The following SLTM variants were observed in gnomAD, a reference collection of about 807,000 sequenced individuals.
SLTM encodes SAFB like transcription modulator, also known as SAFB-like transcription modulator.
SLTM carries 43 observed loss-of-function variants against 134.6 expected under a neutral mutation model. The ratio of observed to expected loss-of-function variants is 0.32; its 90% CI spans 0.25 to 0.41. The LOEUF (loss-of-function observed/expected upper bound fraction) is 0.41, where lower values mean the gene tolerates loss of function less well. SLTM is among the 10% of genes least tolerant of loss of function. SLTM has a pLI of 1.00. For synonymous variants in SLTM, 424 were observed against 432.3 expected (o/e 0.98, Z 0.24); for missense variants, 1,055 against 1,288.8 (o/e 0.82, Z 2.78).
chr15:58,912,593 T>C lies in SLTM; in HGVS notation c.531A>G (p.Glu177=). The change falls in exon 5 of 21, where the codon GAA becomes GAG. Residue 177 remains glutamate (E), a synonymous_variant. Coordinates refer to ENST00000380516, the MANE Select transcript of SLTM (RefSeq NM_024755.4). ...CTGTTAGAAAGGTATCATCTTCACC[T>C]TCTTGAGCTTCAATTTCCTAAGTAA... ...DIESQEIEAQ[E]GEDDTFLTAQ... 1.9e-6 allele frequency: 3 copies of C among 1,609,254 alleles called. No homozygotes were observed. Among genetic ancestry groups the C allele is most frequent in the Non-Finnish European group, 2.5e-6 (3 of 1,177,208 alleles).
intron 5 of SLTM, among the ~76,000 whole-genome samples, chr15:58,904,231 G>C (rs548836906): frequency 1.3e-5 from 2 of 151,794 alleles, no homozygotes; most frequent in East Asian, 1.9e-4. Context: ...GGCTGGTCTC[G>C]AACTCCTGAG....
intron 16 of SLTM, 33 bp downstream of exon 16, chr15:58,889,397 G>A (rs115801134): frequency 6.2e-7 from 1 of 1,611,498 alleles, no homozygotes; most frequent in East Asian, 2.2e-5. Context: ...AAAACAGCAA[G>A]GTTAACTGTT....
At chr15:58,932,515 A>C (rs1387943326) in intron 1 of SLTM, 72 bp from the exon 2 acceptor site, 1 of 1,183,734 alleles carries the variant, frequency 8.4e-7, no homozygotes, top group Non-Finnish European at 1.2e-6. Context: ...AAATGAAAAA[A>C]AATTTAGCAA....
chr15:58,909,003 AT>A, intron 5 of SLTM, among the ~76,000 whole-genome samples: 2 of 152,298 alleles, frequency 1.3e-5, no homozygotes, highest in South Asian at 4.1e-4. Context: ...CAACTCCAAC[AT>A]TTTCTCTAGC....
chr15:58,901,360 G>T, intron 5 of SLTM, 73 bp from the exon 6 acceptor site: 2 of 1,277,352 alleles, frequency 1.6e-6, no homozygotes, highest in Non-Finnish European at 1.1e-6. Context: ...TACAAAATCA[G>T]CCAAGTTAAA....
chr15:58,899,563 T>C lies in SLTM; in HGVS notation c.964A>G (p.Arg322Gly). The C allele has an allele frequency of 6.2e-7, 1 of 1,614,204 alleles. No homozygotes were observed. Among genetic ancestry groups the C allele is most frequent in the South Asian group, 1.1e-5 (1 of 91,086 alleles). ...VKGDPVEKEA[R>G]ESSKKAESGD... The stretch of plus-strand genomic sequence containing the variant: ...GATTCTGCTTTCTTAGAACTTTCTC[T>C]GGCTTCCTTCTCGACAGGGTCACCC... The change falls in exon 7 of 21, where the codon AGA becomes GGA. Residue 322 changes from arginine to glycine, a missense_variant. By Grantham distance (125) the Arg-to-Gly change is moderately radical. Transcript: ENST00000380516. The surrounding 1 kb of genome is among the most constrained non-coding windows in gnomAD (Gnocchi z 5.0).
At chr15:58,926,762 TGCTACCACACCTG>T (rs1393586977) in intron 2 of SLTM, among the ~76,000 whole-genome samples, 1 of 151,842 alleles carries the variant, frequency 6.6e-6, no homozygotes, top group East Asian at 1.9e-4. Context: ...TTACAGAACA[TGCTACCACACCTG>T]GCTAATTTTT....
chr15:58,922,377 CAAAAAAAAAA>C (rs59996812), intron 2 of SLTM, among the ~76,000 whole-genome samples: 1 of 61,132 alleles, frequency 1.6e-5, no homozygotes, highest in African/African-American at 7.9e-5. Flanking sequence ...AACTCTGCCT[CAAAAAAAAAA>C]AAAAAAAAAA....
chr15:58,921,208 C>T (rs2037021171), intron 2 of SLTM, among the ~76,000 whole-genome samples: 1 of 152,156 alleles, frequency 6.6e-6, no homozygotes, highest in Non-Finnish European at 1.5e-5. Flanking sequence ...ATTTTATCCT[C>T]ACAACTCCTC....
intron 19 of SLTM, among the ~76,000 whole-genome samples, chr15:58,884,127 T>C (rs2033980730): frequency 6.6e-6 from 1 of 150,638 alleles, no homozygotes; most frequent in African/African-American, 2.4e-5. Flanking sequence ...GAAGTCACAA[T>C]ACCCTCAGTC....
At chr15:58,929,063 T>G (rs142695733) in intron 2 of SLTM, among the ~76,000 whole-genome samples, 258 of 152,308 alleles carry the variant, frequency 1.7e-3, no homozygotes, top group Non-Finnish European at 2.7e-3. Context: ...ACAGGCGCAC[T>G]GAAGGAAAAG....
intron 2 of SLTM, among the ~76,000 whole-genome samples, chr15:58,925,170 C>T (rs1212282856): frequency 6.6e-6 from 1 of 151,396 alleles, no homozygotes; most frequent in Non-Finnish European, 1.5e-5. Context: ...CCAGCAACAA[C>T]CTCTTCCCAA....
chr15:58,910,395 A>G (rs1212397721), intron 5 of SLTM, among the ~76,000 whole-genome samples: 2 of 152,232 alleles, frequency 1.3e-5, no homozygotes, highest in Non-Finnish European at 2.9e-5. Flanking sequence ...ATTATTTAGA[A>G]AGAGGAAAAA....
At chr15:58,884,122 C>T (rs1201972919) in intron 19 of SLTM, among the ~76,000 whole-genome samples, 2 of 151,248 alleles carry the variant, frequency 1.3e-5, no homozygotes, top group Admixed American at 6.6e-5. Context: ...AAGGAGAAGT[C>T]ACAATACCCT....
intron 1 of SLTM, among the ~76,000 whole-genome samples, 159 bp from the exon 2 acceptor site, chr15:58,932,602 AAG>A (rs1400956362): frequency 6.6e-6 from 1 of 152,220 alleles, no homozygotes; most frequent in Non-Finnish European, 1.5e-5. Flanking sequence ...AACTACACGA[AAG>A]AGTGAGAGAA....
intron 3 of SLTM, among the ~76,000 whole-genome samples, chr15:58,916,178 C>CTTT (rs11455727): frequency 1.0e-4 from 14 of 138,652 alleles, no homozygotes; most frequent in East Asian, 4.2e-4. Context: ...CTCTCTCTCT[C>CTTT]TTTTTTTTTT....
intron 5 of SLTM, among the ~76,000 whole-genome samples, chr15:58,904,587 C>T (rs540482118): frequency 6.6e-5 from 10 of 151,348 alleles, no homozygotes; most frequent in African/African-American, 1.9e-4. Context: ...CTCCGTCAGC[C>T]CAGGCTGGAG....
chr15:58,901,731 A>G (rs1446693127), intron 5 of SLTM, among the ~76,000 whole-genome samples: 1 of 152,176 alleles, frequency 6.6e-6, no homozygotes, highest in Non-Finnish European at 1.5e-5. Flanking sequence ...AATACACAGT[A>G]ATAAACCAAA....
intron 2 of SLTM, among the ~76,000 whole-genome samples, chr15:58,922,802 T>G (rs1219027877): frequency 2.0e-5 from 3 of 151,620 alleles, no homozygotes; most frequent in Non-Finnish European, 2.9e-5. Flanking sequence ...CACCTCCATC[T>G]TGTGGGTTCG....
Sources: allele counts gnomAD v4.1 joint callset (sites outside exome capture counted in the v4.1 genomes callset), GRCh38; gene constraint gnomAD v4.1.1; non-coding constraint Gnocchi (gnomAD v3.1); transcripts MANE v1.5; gene names NCBI Gene and HGNC (gene_info 2026-07-23, HGNC 2026-07-21).